The following SPIDR variants were observed in gnomAD, a reference collection of about 807,000 sequenced individuals.
SPIDR encodes the protein DNA repair-scaffolding protein.
In SPIDR, 93 loss-of-function variants were observed where a neutral mutation model predicts 104.6. The ratio of observed to expected loss-of-function variants is 0.89; its 90% CI spans 0.75 to 1.06. The LOEUF (loss-of-function observed/expected upper bound fraction) is 1.06. SPIDR is among the 50% of genes least tolerant of loss of function. SPIDR has a pLI of 0.00. For missense variants in SPIDR, 1,154 were observed against 1,111.2 expected, an observed-to-expected ratio of 1.04 and a Z score of -0.55; for synonymous variants, 431 against 416.9, an observed-to-expected ratio of 1.03 and a Z score of -0.41.
At chr8:47,374,214 G>A (rs1272634173) in intron 5 of SPIDR, among the ~76,000 whole-genome samples, 1 of 152,160 alleles carries the variant, frequency 6.6e-6, no homozygotes, top group African/African-American at 2.4e-5. Context: ...ATAATAGTAA[G>A]CAGTTCCATT....
chr8:47,274,668 C>A (rs2036017016), intron 1 of SPIDR, among the ~76,000 whole-genome samples: 1 of 151,448 alleles, frequency 6.6e-6, no homozygotes, highest in South Asian at 2.1e-4. Flanking sequence ...ACCTCCGCCT[C>A]CTGGGTTCAA....
At chr8:47,572,617 GC>G (rs1297694416) in intron 8 of SPIDR, among the ~76,000 whole-genome samples, 1 of 151,682 alleles carries the variant, frequency 6.6e-6, no homozygotes, top group African/African-American at 2.4e-5. Context: ...AGCTGAGATT[GC>G]GCCACTGCCA....
chr8:47,703,793 G>C (rs1253679884), intron 14 of SPIDR, among the ~76,000 whole-genome samples: 2 of 152,188 alleles, frequency 1.3e-5, no homozygotes, highest in East Asian at 3.8e-4. Context: ...GAGGACACAG[G>C]AACTCTGACG....
chr8:47,701,930 G>A (rs1478372385), intron 13 of SPIDR, 26 bp from the exon 14 acceptor site: 3 of 1,613,978 alleles, frequency 1.9e-6, no homozygotes, highest in African/African-American at 1.3e-5. Flanking sequence ...GTGTAATGCT[G>A]CCAACCTTTT....
intron 4 of SPIDR, among the ~76,000 whole-genome samples, chr8:47,292,725 C>A (rs1548128): frequency 0.47 from 71,835 of 151,930 alleles, 20,664 homozygotes; most frequent in African/African-American, 0.82. Flanking sequence ...CGAAAGCCCC[C>A]GTTATTTCAT....
intron 1 of SPIDR, among the ~76,000 whole-genome samples, chr8:47,272,192 C>T (rs933393835): frequency 2.0e-5 from 3 of 152,142 alleles, no homozygotes; most frequent in Non-Finnish European, 4.4e-5. Flanking sequence ...GTCTTGAACT[C>T]GTGGCCTCGG....
intron 10 of SPIDR, among the ~76,000 whole-genome samples, chr8:47,615,355 TAC>T (rs1346106396): frequency 6.6e-6 from 1 of 152,208 alleles, no homozygotes; most frequent in African/African-American, 2.4e-5. Context: ...TCAAGAATGT[TAC>T]AGTTTTAGCC....
rs780359144 is a variant in SPIDR at position 47,502,982 on chromosome 8, T to G, written c.1097+62440T>G. ...TTCTTAATCCTGAGTTCTAGTTTGATTGCACTGTGGTCTGAGAGAGAGTTT... is the reference window on the plus strand; with the variant it reads ...TTCTTAATCCTGAGTTCTAGTTTGAGTGCACTGTGGTCTGAGAGAGAGTTT... On this transcript the variant is annotated intron_variant, in intron 8 of 19. Transcript: ENST00000297423. Among the ~76,000 whole-genome samples the G allele has an allele frequency of 5.3e-5, 8 of 152,242 alleles. No homozygotes were observed. In the South Asian group the frequency reaches 6.2e-4, roughly 12 times the overall value.
In SPIDR at chr8:47,595,800, C is replaced by G; in HGVS notation, c.1098-11C>G. The G allele has an allele frequency of 6.2e-7, 1 of 1,612,850 alleles. No individual in the cohort carries two copies. The highest frequency in any genetic ancestry group is 8.5e-7 in the Non-Finnish European group (1 of 1,179,476). ...TGCAAAGAAACTGTTGCATGTCTTT[C>G]TCTTTTCCAGGCAAAAACTGATTAT... On this transcript the variant is annotated splice_polypyrimidine_tract_variant and intron_variant, in intron 8 of 19. Transcript: ENST00000297423.
Position 47,381,930 on chromosome 8 carries a change from T to G in SPIDR, c.526-14446T>G, listed in dbSNP as rs117226547. Among the ~76,000 whole-genome samples, 926 of 152,368 alleles carry G rather than the reference T, an allele frequency of 6.1e-3. 15 individuals are homozygous for G. In the South Asian group the frequency reaches 0.076, roughly 13 times the overall value. On this transcript the variant is annotated intron_variant, in intron 5 of 19. Coordinates refer to ENST00000297423, the MANE Select transcript of SPIDR (RefSeq NM_001080394.4). ...TTTAGTTACCATCCTCCCTTTGTTC[T>G]ACCAGCTGGGTAGCATTTAGCTACA... is the stretch of plus-strand genomic sequence containing the variant.
At chr8:47,460,087 C>G (rs921359014) in intron 8 of SPIDR, among the ~76,000 whole-genome samples, 1 of 152,098 alleles carries the variant, frequency 6.6e-6, no homozygotes, top group Non-Finnish European at 1.5e-5. Context: ...GTTCCATACA[C>G]TGATGAATAG....
intron 8 of SPIDR, among the ~76,000 whole-genome samples, chr8:47,533,395 G>A (rs570384377): frequency 6.6e-6 from 1 of 152,228 alleles, no homozygotes; most frequent in South Asian, 2.1e-4. Context: ...GACACCAAAA[G>A]CAGTCACAAC....
chr8:47,403,350 G>C (rs2062197160), intron 6 of SPIDR, among the ~76,000 whole-genome samples: 1 of 152,156 alleles, frequency 6.6e-6, no homozygotes, highest in African/African-American at 2.4e-5. Flanking sequence ...GGAAGTTCTG[G>C]CCAGGGCAAT....
chr8:47,491,319 T>C (rs568282914), intron 8 of SPIDR, among the ~76,000 whole-genome samples: 1 of 152,228 alleles, frequency 6.6e-6, no homozygotes, highest in East Asian at 1.9e-4. Context: ...ATGGAATTTT[T>C]CTTAAAGGCG....
intron 8 of SPIDR, among the ~76,000 whole-genome samples, chr8:47,466,948 G>GAT (rs1250773282): frequency 1.7e-4 from 23 of 133,454 alleles, no homozygotes; most frequent in African/African-American, 6.6e-4. Flanking sequence ...TAGATAGATA[G>GAT]ATATAAAAAA....
At chr8:47,478,060 G>A (rs1419890401) in intron 8 of SPIDR, among the ~76,000 whole-genome samples, 1 of 152,210 alleles carries the variant, frequency 6.6e-6, no homozygotes, top group Non-Finnish European at 1.5e-5. Flanking sequence ...TAGAGTGCTA[G>A]CAGCACCCAG....
chr8:47,606,187 A>G (rs1272002432), intron 10 of SPIDR, among the ~76,000 whole-genome samples: 2 of 152,076 alleles, frequency 1.3e-5, no homozygotes, highest in Non-Finnish European at 1.5e-5. Flanking sequence ...TGGTGCTGAT[A>G]CTGTGGTTGG....
chr8:47,598,808 T>C (rs1035716104), intron 9 of SPIDR, 138 bp from the exon 10 acceptor site: 17 of 1,123,468 alleles, frequency 1.5e-5, no homozygotes, highest in Non-Finnish European at 1.7e-5. Flanking sequence ...TTCATCTTCA[T>C]CATCACTTCA....
At chr8:47,460,984 G>A (rs913415932) in intron 8 of SPIDR, among the ~76,000 whole-genome samples, 1 of 152,122 alleles carries the variant, frequency 6.6e-6, no homozygotes, top group Non-Finnish European at 1.5e-5. Flanking sequence ...TGAAGATAGG[G>A]CCCCAATCCC....
Sources: allele counts gnomAD v4.1 joint callset (sites outside exome capture counted in the v4.1 genomes callset), GRCh38; gene constraint gnomAD v4.1.1; transcripts MANE v1.5; gene names NCBI Gene and HGNC (gene_info 2026-07-23, HGNC 2026-07-21).